Variants in SHISA9 observed in about 807,000 individuals in gnomAD.
SHISA9 encodes protein shisa-9.
A neutral mutation model predicts 38.0 loss-of-function variants in SHISA9; 13 were observed. The ratio of observed to expected loss-of-function variants is 0.34; its 90% CI spans 0.22 to 0.54. SHISA9 has a LOEUF of 0.54. Ranked by LOEUF, SHISA9 falls within the 20% of genes least tolerant of loss-of-function variation. The pLI is 0.91. For missense variants in SHISA9, 538 were observed against 575.8 expected (o/e 0.93, Z 0.67); for synonymous variants, 275 against 242.0 (o/e 1.14, Z -1.27).
At chr16:13,157,584 T>C (rs1172814915) in intron 2 of SHISA9, among the ~76,000 whole-genome samples, 1 of 152,196 alleles carries the variant, frequency 6.6e-6, no homozygotes, top group Non-Finnish European at 1.5e-5. Context: ...TGGTACATAT[T>C]CAGTGTTATG....
the SHISA9 span, among the ~76,000 whole-genome samples, chr16:13,260,517 G>A: frequency 6.6e-6 from 1 of 152,108 alleles, no homozygotes. Context: ...GGGGCAAAAT[G>A]TCACCAGTCT....
At chr16:13,214,202 T>C (rs891821910) in intron 4 of SHISA9, among the ~76,000 whole-genome samples, 2 of 152,140 alleles carry the variant, frequency 1.3e-5, no homozygotes, top group African/African-American at 4.8e-5. Context: ...ACTATTTATC[T>C]ATTTATTTAT....
intron 2 of SHISA9, among the ~76,000 whole-genome samples, chr16:13,167,045 TA>T (rs2050642594): frequency 2.0e-5 from 3 of 149,184 alleles, no homozygotes; most frequent in African/African-American, 4.9e-5. Flanking sequence ...TACTTTACTC[TA>T]CTTCTTCTCT....
chr16:13,365,009 G>C, the SHISA9 span, among the ~76,000 whole-genome samples: 1 of 152,038 alleles, frequency 6.6e-6, no homozygotes, highest in African/African-American at 2.4e-5. Flanking sequence ...TAGGACCTAG[G>C]GACACCACAA....
chr16:12,911,729 GC>G (rs1359986889), intron 1 of SHISA9: 2 of 152,056 alleles, frequency 1.3e-5, no homozygotes, highest in Admixed American at 6.5e-5. Context: ...CTTGTGAGAA[GC>G]TTTTGAAGAG....
At chr16:13,346,153 C>T in the SHISA9 span, among the ~76,000 whole-genome samples, 1 of 152,168 alleles carries the variant, frequency 6.6e-6, no homozygotes, top group South Asian at 2.1e-4. Context: ...TCTATCATTC[C>T]ATGCTCCATG....
the SHISA9 span, among the ~76,000 whole-genome samples, chr16:13,346,881 G>T: frequency 1.6e-4 from 25 of 152,292 alleles, no homozygotes; most frequent in South Asian, 2.1e-3. Context: ...GCTTGCGTGT[G>T]CATGTTCTTA....
chr16:13,392,907 T>C, the SHISA9 span, among the ~76,000 whole-genome samples: 1 of 152,182 alleles, frequency 6.6e-6, no homozygotes, highest in Non-Finnish European at 1.5e-5. Context: ...AAGAAACCAA[T>C]TTTGTTGACA....
chr16:13,145,151 C>T lies in SHISA9; in HGVS notation c.692-58243C>T, dbSNP rs530182275. 3.9e-5 allele frequency among the ~76,000 whole-genome samples: 6 copies of T among 152,270 alleles called. No homozygotes were observed. In the South Asian group the frequency reaches 8.3e-4, roughly 21 times the overall value. On this transcript the variant is annotated intron_variant, in intron 2 of 4. Coordinates refer to ENST00000558583, the MANE Select transcript of SHISA9 (RefSeq NM_001145204.3). ...GATACAGAGGATTCTCAGCATCTCC[C>T]GAAACGACAGGAGCACCTGCATTGC...
At chr16:13,392,339 G>A in the SHISA9 span, among the ~76,000 whole-genome samples, 3 of 151,936 alleles carry the variant, frequency 2.0e-5, no homozygotes, top group African/African-American at 4.8e-5. Flanking sequence ...TATTTTTCAT[G>A]GTAAAAGTGG....
chr16:13,248,588 C>A, the SHISA9 span, among the ~76,000 whole-genome samples: 2 of 152,148 alleles, frequency 1.3e-5, no homozygotes, highest in Non-Finnish European at 2.9e-5. Context: ...GTCATACCAA[C>A]CTTGTCGTGT....
intron 2 of SHISA9, among the ~76,000 whole-genome samples, chr16:13,080,931 C>A (rs922400190): frequency 6.6e-6 from 1 of 152,198 alleles, no homozygotes; most frequent in Non-Finnish European, 1.5e-5. Context: ...GGCTTTGTCA[C>A]TGTATCCTCA....
chr16:13,327,519 G>A, the SHISA9 span, among the ~76,000 whole-genome samples: 3 of 151,954 alleles, frequency 2.0e-5, no homozygotes, highest in Admixed American at 1.3e-4. Context: ...GGGAGACTGA[G>A]GCAGGAGAAT....
the SHISA9 span, among the ~76,000 whole-genome samples, chr16:13,411,440 C>T: frequency 1.3e-5 from 2 of 152,178 alleles, no homozygotes; most frequent in African/African-American, 4.8e-5. Flanking sequence ...ATTTGTTCAC[C>T]TGTGTGTATC....
the SHISA9 span, among the ~76,000 whole-genome samples, chr16:13,473,121 T>A: frequency 6.6e-6 from 1 of 152,220 alleles, no homozygotes. Flanking sequence ...TTCTTGAGTT[T>A]TGTTATGGGG....
intron 4 of SHISA9, among the ~76,000 whole-genome samples, chr16:13,219,048 C>T (rs436812): frequency 0.096 from 14,629 of 152,160 alleles, 970 homozygotes; most frequent in East Asian, 0.29. Context: ...AAATCCTACT[C>T]GCTCCTGAGT....
At chr16:13,556,947 A>G in the SHISA9 span, among the ~76,000 whole-genome samples, 1 of 152,174 alleles carries the variant, frequency 6.6e-6, no homozygotes, top group African/African-American at 2.4e-5. Flanking sequence ...TATATAAAGG[A>G]CTAGAACATT....
At chr16:13,053,502 A>G (rs1443647489) in intron 2 of SHISA9, among the ~76,000 whole-genome samples, 1 of 152,168 alleles carries the variant, frequency 6.6e-6, no homozygotes, top group Non-Finnish European at 1.5e-5. Context: ...AATAATGCAA[A>G]TCAGATTATA....
At position 12,902,115 on chromosome 16, in the gene SHISA9, C is replaced by T; in HGVS notation, c.51C>T (p.Cys17=). Residue 17 remains cysteine (C), a synonymous_variant, in exon 1 of 5, where the codon TGC becomes TGT. Coordinates refer to ENST00000558583, the MANE Select transcript of SHISA9 (RefSeq NM_001145204.3). ...LLLGCFLTEL[C]ARVCRAQERA... is the part of the protein sequence containing the mutation. ...TCGGTTGCTTCCTCACCGAGCTGTGCGCCCGCGTGTGCCGGGCGCAGGAGC... is the reference window on the plus strand; with the variant it reads ...TCGGTTGCTTCCTCACCGAGCTGTGTGCCCGCGTGTGCCGGGCGCAGGAGC... 6.7e-7 allele frequency: 1 copy of T among 1,483,104 alleles called. No individual in the cohort carries two copies. The highest frequency in any genetic ancestry group is 8.9e-7 in the Non-Finnish European group (1 of 1,123,394). The allele number at this position is 1,483,104 out of a possible 1,614,324, so 91.9% of individuals were successfully genotyped here.
Sources: allele counts gnomAD v4.1 joint callset (sites outside exome capture counted in the v4.1 genomes callset), GRCh38; gene constraint gnomAD v4.1.1; transcripts MANE v1.5; gene names NCBI Gene and HGNC (gene_info 2026-07-23, HGNC 2026-07-21).